The following UNC5D variants were observed in gnomAD, a reference collection of about 807,000 sequenced individuals.
UNC5D encodes unc-5 netrin receptor D.
UNC5D carries 39 observed loss-of-function variants against 105.4 expected under a neutral mutation model. The observed-to-expected ratio is 0.37, with a 90% CI of 0.29 to 0.48. The LOEUF is 0.48. Among genes scored for constraint, UNC5D ranks in the 20% least tolerant of loss-of-function variants. The pLI is 0.98. For synonymous variants in UNC5D, 452 were observed against 450.4 expected, an observed-to-expected ratio of 1.00 and a Z score of -0.04; for missense variants, 991 against 1,202.4, an observed-to-expected ratio of 0.82 and a Z score of 2.60.
intron 4 of UNC5D, among the ~76,000 whole-genome samples, chr8:35,639,731 A>G (rs1292423517): frequency 6.6e-6 from 1 of 152,156 alleles, no homozygotes; most frequent in Non-Finnish European, 1.5e-5. Flanking sequence ...TAGAAGTCAC[A>G]TAAAGTATTT....
intron 1 of UNC5D, among the ~76,000 whole-genome samples, chr8:35,535,543 A>G (rs1159621246): frequency 6.6e-6 from 1 of 151,620 alleles, no homozygotes; most frequent in African/African-American, 2.4e-5. Flanking sequence ...TACCAAACAC[A>G]CTACGGCAAA....
intron 1 of UNC5D, among the ~76,000 whole-genome samples, chr8:35,277,759 T>C (rs944093079): frequency 6.6e-6 from 1 of 152,214 alleles, no homozygotes; most frequent in African/African-American, 2.4e-5. Flanking sequence ...TTAAAATAAG[T>C]ACTTCCATCT....
chr8:35,320,242 C>A (rs189278852), intron 1 of UNC5D, among the ~76,000 whole-genome samples: 3,541 of 151,988 alleles, frequency 0.023, 55 homozygotes, highest in Non-Finnish European at 0.038. Context: ...ATAGGTGGTT[C>A]AAAGATTTTT....
intron 1 of UNC5D, among the ~76,000 whole-genome samples, chr8:35,356,353 T>C (rs1191553656): frequency 1.3e-5 from 2 of 152,164 alleles, no homozygotes; most frequent in Non-Finnish European, 2.9e-5. Context: ...CTTTTGGGGA[T>C]ACATTCTACA....
intron 7 of UNC5D, among the ~76,000 whole-genome samples, chr8:35,695,440 A>T (rs1318635854): frequency 6.6e-6 from 1 of 152,138 alleles, no homozygotes; most frequent in Non-Finnish European, 1.5e-5. Context: ...CAGGGGGATC[A>T]CTTGAGGCCT....
chr8:35,670,661 G>A (rs1260326141), intron 4 of UNC5D, among the ~76,000 whole-genome samples: 4 of 152,030 alleles, frequency 2.6e-5, no homozygotes, highest in African/African-American at 2.4e-5. Context: ...TGAACAATGA[G>A]AACACATGGA....
chr8:35,789,137 C>CTATATATATATATA (rs58201859), intron 16 of UNC5D, among the ~76,000 whole-genome samples: 8 of 32,462 alleles, frequency 2.5e-4, no homozygotes, highest in Non-Finnish European at 4.4e-4. Context: ...GGAGAAAAGA[C>CTATATATATATATA]TATATATATA....
At chr8:35,649,217 G>A (rs932537032) in intron 4 of UNC5D, among the ~76,000 whole-genome samples, 3 of 152,146 alleles carry the variant, frequency 2.0e-5, no homozygotes, top group East Asian at 3.9e-4. Context: ...GACTAGGCAA[G>A]GGAAGTTGCG....
At chr8:35,390,335 T>G (rs1803693268) in intron 1 of UNC5D, among the ~76,000 whole-genome samples, 1 of 152,128 alleles carries the variant, frequency 6.6e-6, no homozygotes, top group East Asian at 1.9e-4. Flanking sequence ...ATATCGAGAG[T>G]TAACTTAAAA....
At chr8:35,399,376 A>G (rs1804307901) in intron 1 of UNC5D, among the ~76,000 whole-genome samples, 1 of 152,060 alleles carries the variant, frequency 6.6e-6, no homozygotes, top group Non-Finnish European at 1.5e-5. Context: ...AGTCATATAG[A>G]TCTACAAGTT....
intron 1 of UNC5D, among the ~76,000 whole-genome samples, chr8:35,354,272 C>G (rs185360881): frequency 2.0e-5 from 3 of 152,164 alleles, no homozygotes; most frequent in South Asian, 2.1e-4. Flanking sequence ...CTTTCCCCCC[C>G]TCTCTTGCTT....
At chr8:35,283,293 G>A (rs1806330543) in intron 1 of UNC5D, among the ~76,000 whole-genome samples, 2 of 152,098 alleles carry the variant, frequency 1.3e-5, no homozygotes, top group South Asian at 2.1e-4. Flanking sequence ...ATTTCTAACT[G>A]TTCACGGTCA....
At chr8:35,689,431 G>A (rs933068248) in intron 7 of UNC5D, among the ~76,000 whole-genome samples, 1 of 152,180 alleles carries the variant, frequency 6.6e-6, no homozygotes, top group Non-Finnish European at 1.5e-5. Flanking sequence ...GTTCTCCAGA[G>A]AAACAGAACC....
intron 1 of UNC5D, among the ~76,000 whole-genome samples, chr8:35,446,614 AC>A (rs1480790185): frequency 6.6e-6 from 1 of 152,082 alleles, no homozygotes; most frequent in African/African-American, 2.4e-5. Context: ...GTTTCATTAG[AC>A]ATCTCCAAAT....
chr8:35,359,009 G>C (rs983083280), intron 1 of UNC5D, among the ~76,000 whole-genome samples: 1 of 152,114 alleles, frequency 6.6e-6, no homozygotes, highest in Non-Finnish European at 1.5e-5. Context: ...CCTTGGGCCA[G>C]GCCTGGTGGC....
chr8:35,596,976 T>A (rs1586210577), intron 4 of UNC5D, among the ~76,000 whole-genome samples: 1 of 152,258 alleles, frequency 6.6e-6, no homozygotes, highest in African/African-American at 2.4e-5. Flanking sequence ...TTGACTCTTC[T>A]ATGGGAAGCT....
intron 4 of UNC5D, among the ~76,000 whole-genome samples, chr8:35,603,650 G>A (rs1004024417): frequency 6.6e-6 from 1 of 152,156 alleles, no homozygotes; most frequent in South Asian, 2.1e-4. Flanking sequence ...GGGTGTTAAA[G>A]TCTCCCATTA....
At chr8:35,248,917 CAT>C (rs1444682371) in intron 1 of UNC5D, among the ~76,000 whole-genome samples, 4 of 78,530 alleles carry the variant, frequency 5.1e-5, no homozygotes, top group African/African-American at 1.7e-4. Context: ...TATATATAAA[CAT>C]ATATAATATA....
intron 16 of UNC5D, among the ~76,000 whole-genome samples, chr8:35,788,124 G>T (rs1341438908): frequency 6.6e-6 from 1 of 152,096 alleles, no homozygotes; most frequent in Admixed American, 6.6e-5. Context: ...GCAACCAACT[G>T]ACTGTAAACA....
Sources: allele counts gnomAD v4.1 joint callset (sites outside exome capture counted in the v4.1 genomes callset), GRCh38; gene constraint gnomAD v4.1.1; transcripts MANE v1.5; gene names NCBI Gene and HGNC (gene_info 2026-07-23, HGNC 2026-07-21).